HAPSTR1: variants seen among roughly 807,000 people sequenced by gnomAD.
HAPSTR1 encodes the protein HUWE1 associated protein modifying stress responses, also known as HUWE1-associated protein modifying stress responses 1.
chr16:9,114,058 A>G, the HAPSTR1 span, among the ~76,000 whole-genome samples: 1 of 152,230 alleles, frequency 6.6e-6, no homozygotes, highest in East Asian at 1.9e-4. Context: ...TATTTTCTAT[A>G]GGAAGAGACG....
At chr16:9,113,900 G>T in the HAPSTR1 span, among the ~76,000 whole-genome samples, 1 of 152,144 alleles carries the variant, frequency 6.6e-6, no homozygotes, top group Non-Finnish European at 1.5e-5. Flanking sequence ...TTATTTTCTG[G>T]TGTTGGAGAG....
the HAPSTR1 span, chr16:9,104,769 TGAATTA>T: frequency 6.6e-6 from 1 of 152,236 alleles, no homozygotes; most frequent in Admixed American, 6.5e-5. Context: ...CTGTTTATGC[TGAATTA>T]GAGAGTTTCA....
At chr16:9,116,073 T>C in the HAPSTR1 span, among the ~76,000 whole-genome samples, 19,454 of 152,260 alleles carry the variant, frequency 0.13, 1,690 homozygotes, top group East Asian at 0.32. Context: ...TAGCCTGATT[T>C]GTCCAGGGTA....
the HAPSTR1 span, chr16:9,091,818 G>GC: frequency 1.5e-5 from 6 of 392,088 alleles, no homozygotes; most frequent in Non-Finnish European, 2.2e-5. Flanking sequence ...CTTCGGCCGG[G>GC]CCCGGGGGTG....
At chr16:9,102,442 T>C in the HAPSTR1 span, among the ~76,000 whole-genome samples, 1 of 152,216 alleles carries the variant, frequency 6.6e-6, no homozygotes, top group Non-Finnish European at 1.5e-5. Flanking sequence ...GGAAGCAAAA[T>C]GAGTATACCC....
chr16:9,110,903 T>TGGC, the HAPSTR1 span: 1 of 152,302 alleles, frequency 6.6e-6, no homozygotes, highest in African/African-American at 2.4e-5. Flanking sequence ...TCAGGGGTGG[T>TGGC]GGCGCATGCC....
At chr16:9,105,883 A>G in the HAPSTR1 span, 4 of 152,218 alleles carry the variant, frequency 2.6e-5, no homozygotes, top group African/African-American at 9.6e-5. Context: ...CTATGTATTT[A>G]AGAGAGGACA....
chr16:9,121,480 G>A, the HAPSTR1 span: 1 of 152,260 alleles, frequency 6.6e-6, no homozygotes, highest in South Asian at 2.1e-4. Flanking sequence ...TTTTTTACCT[G>A]CTCGTATGAA....
At chr16:9,102,013 CAGG>C in the HAPSTR1 span, among the ~76,000 whole-genome samples, 10 of 152,116 alleles carry the variant, frequency 6.6e-5, no homozygotes, top group Non-Finnish European at 1.0e-4. Flanking sequence ...CCCAGCTACT[CAGG>C]AGGCTGAAGC....
the HAPSTR1 span, among the ~76,000 whole-genome samples, chr16:9,097,092 A>G: frequency 1.3e-5 from 2 of 152,022 alleles, no homozygotes; most frequent in African/African-American, 4.8e-5. Context: ...GGCGCCTGCC[A>G]CCACACCAGG....
At chr16:9,092,534 C>G in the HAPSTR1 span, among the ~76,000 whole-genome samples, 7 of 152,286 alleles carry the variant, frequency 4.6e-5, no homozygotes, top group African/African-American at 1.7e-4. Context: ...CCGGGCCCGG[C>G]CACCCGGTGT....
the HAPSTR1 span, chr16:9,093,145 C>A: frequency 1.2e-6 from 1 of 817,152 alleles, no homozygotes; most frequent in South Asian, 1.7e-5. Flanking sequence ...CGGCGGTGCT[C>A]TAGCTAGATC....
chr16:9,097,448 G>T, the HAPSTR1 span, among the ~76,000 whole-genome samples: 2 of 151,950 alleles, frequency 1.3e-5, no homozygotes, highest in South Asian at 4.2e-4. Context: ...TTGCCATGTT[G>T]CCCAGGCTGG....
the HAPSTR1 span, among the ~76,000 whole-genome samples, chr16:9,096,832 C>T: frequency 2.6e-5 from 4 of 151,846 alleles, no homozygotes; most frequent in Non-Finnish European, 4.4e-5. Flanking sequence ...GATCCCGTGT[C>T]TTAAAATTTT....
chr16:9,091,957 G>C, the HAPSTR1 span: 1 of 1,168,846 alleles, frequency 8.6e-7, no homozygotes, highest in Non-Finnish European at 1.1e-6. Flanking sequence ...CCCTGCCGCC[G>C]GGCCGCTTGA....
chr16:9,092,275 GGCC>G, the HAPSTR1 span: 4 of 1,528,580 alleles, frequency 2.6e-6, no homozygotes, highest in African/African-American at 4.2e-5. Context: ...ACAAAGGTGA[GGCC>G]GCCGCCGCCA....
At chr16:9,102,034 C>A in the HAPSTR1 span, among the ~76,000 whole-genome samples, 1 of 152,150 alleles carries the variant, frequency 6.6e-6, no homozygotes, top group Non-Finnish European at 1.5e-5. Context: ...AGCAGGAGAA[C>A]CCTGGAGGCG....
the HAPSTR1 span, among the ~76,000 whole-genome samples, chr16:9,116,481 CAATAA>C: frequency 6.6e-6 from 1 of 151,978 alleles, no homozygotes; most frequent in East Asian, 1.9e-4. Context: ...GTAGTATTAC[CAATAA>C]AATATATGTC....
the HAPSTR1 span, chr16:9,103,146 C>G: frequency 2.5e-6 from 4 of 1,614,172 alleles, no homozygotes; most frequent in East Asian, 4.5e-5. Flanking sequence ...CCACGAAACT[C>G]TAGAGCTCCC....
Sources: gnomAD v4.1 joint callset for allele counts (sites outside exome capture counted in the v4.1 genomes callset) on GRCh38, gnomAD v4.1.1 for gene constraint, MANE v1.5 for transcripts, NCBI Gene and HGNC (gene_info 2026-07-23, HGNC 2026-07-21) for gene names.